Variants in BDNF observed in about 807,000 individuals in gnomAD.
BDNF encodes the protein neurotrophic factor BDNF precursor form.
In BDNF, 1 loss-of-function variant was observed where a neutral mutation model predicts 19.5. That is an observed-to-expected ratio of 0.05 (90% CI 0.02 to 0.24). The LOEUF is 0.24. Ranked by LOEUF, BDNF falls within the 10% of genes least tolerant of loss-of-function variation. The pLI, the probability that BDNF is intolerant of heterozygous loss-of-function variation, is 1.00. For synonymous variants in BDNF, 100 were observed against 121.6 expected (o/e 0.82, Z 1.17); for missense variants, 195 against 317.6 (o/e 0.61, Z 2.93).
chr11:27,699,393 C>G (rs1480364113), intron 1 of BDNF: 17 of 1,614,034 alleles, frequency 1.1e-5, no homozygotes, highest in Non-Finnish European at 1.4e-5. Context: ...CATTCCTCTT[C>G]CCGGCTCTGC....
intron 1 of BDNF, among the ~76,000 whole-genome samples, chr11:27,715,818 T>G (rs1860488004): frequency 6.6e-6 from 1 of 152,164 alleles, no homozygotes; most frequent in African/African-American, 2.4e-5. Flanking sequence ...GATTGGTGAT[T>G]CCTACCTTAC....
chr11:27,716,654 A>T (rs1232101792), intron 1 of BDNF, among the ~76,000 whole-genome samples: 1 of 152,226 alleles, frequency 6.6e-6, no homozygotes, highest in Non-Finnish European at 1.5e-5. Flanking sequence ...TTTCAGAATA[A>T]ATTTAGTTTT....
At chr11:27,667,682 T>G (rs1247422364) in intron 1 of BDNF, among the ~76,000 whole-genome samples, 1 of 152,180 alleles carries the variant, frequency 6.6e-6, no homozygotes, top group Admixed American at 6.5e-5. Flanking sequence ...GGCCATTACA[T>G]AATGATAAAG....
chr11:27,674,789 T>C, intron 1 of BDNF: 2 of 963,092 alleles, frequency 2.1e-6, no homozygotes, highest in Non-Finnish European at 2.5e-6. Context: ...CATCTAAGCA[T>C]AGGACAGGGA....
chr11:27,697,122 TAC>T (rs1194993550), intron 1 of BDNF, among the ~76,000 whole-genome samples: 1 of 145,870 alleles, frequency 6.9e-6, no homozygotes, highest in Non-Finnish European at 1.5e-5. Context: ...TCTCCCCCTC[TAC>T]ACACACGCGC....
In BDNF at chr11:27,657,564, T is replaced by G. The variant is rs1466189823; in HGVS notation, c.*257A>C. 3 of 1,250,322 alleles carry G rather than the reference T, an allele frequency of 2.4e-6. No homozygotes were observed. The highest frequency in any genetic ancestry group is 3.0e-6 in the Non-Finnish European group (3 of 995,668). 77.5% of individuals were successfully genotyped at this position (1,250,322 alleles called of 1,614,324 possible). A position where few individuals can be genotyped will look rare whatever the true frequency, so the allele number is the denominator to read the frequency against. On this transcript the variant is annotated 3_prime_UTR_variant, in exon 2 of 2. Transcript: ENST00000356660. The surrounding 1 kb of genome is among the most constrained non-coding windows in gnomAD (Gnocchi z 5.0). ...TTTAACTTTTTATGTTTTCAGTTCTTGGCAACGGCAACAAACCACAACATT... is the reference window on the plus strand; with the variant it reads ...TTTAACTTTTTATGTTTTCAGTTCTGGGCAACGGCAACAAACCACAACATT...
chr11:27,693,627 C>T (rs904560262), intron 1 of BDNF, among the ~76,000 whole-genome samples: 1 of 152,166 alleles, frequency 6.6e-6, no homozygotes, highest in African/African-American at 2.4e-5. Flanking sequence ...TGGCCTGGGA[C>T]TCCGCCAAGC....
chr11:27,673,331 G>C (rs1855653263), intron 1 of BDNF, among the ~76,000 whole-genome samples: 1 of 151,974 alleles, frequency 6.6e-6, no homozygotes, highest in Non-Finnish European at 1.5e-5. Flanking sequence ...CAGATCCAAG[G>C]ATAAAGGGAA....
intron 1 of BDNF, among the ~76,000 whole-genome samples, chr11:27,712,784 A>T (rs1224640646): frequency 2.8e-5 from 4 of 144,698 alleles, no homozygotes; most frequent in African/African-American, 1.0e-4. Flanking sequence ...CAAAGTGCTG[A>T]GATTACAGGT....
chr11:27,705,862 T>G (rs1235938114), intron 1 of BDNF, among the ~76,000 whole-genome samples: 1 of 152,242 alleles, frequency 6.6e-6, no homozygotes, highest in African/African-American at 2.4e-5. Flanking sequence ...AGGAGGCTAT[T>G]CTATGGGCTG....
chr11:27,710,535 G>A (rs1464067631), intron 1 of BDNF, among the ~76,000 whole-genome samples: 1 of 152,184 alleles, frequency 6.6e-6, no homozygotes, highest in Non-Finnish European at 1.5e-5. Context: ...TGGATCCTTT[G>A]GAGGAAGAGC....
At chr11:27,704,528 C>G, upstream of BDNF, among the ~76,000 whole-genome samples, 1 of 151,978 alleles carries the variant, frequency 6.6e-6, no homozygotes, top group East Asian at 1.9e-4. Flanking sequence ...TTACTCCTAC[C>G]TTCAGTATTC....
chr11:27,675,491 A>G (rs1855973773), intron 1 of BDNF: 1 of 152,128 alleles, frequency 6.6e-6, no homozygotes, highest in East Asian at 1.9e-4. Context: ...TGTCAACTCT[A>G]CTTGAGTAAG....
rs1029741174 is a variant in BDNF at position 27,719,441 on chromosome 11, G to C, written c.3+1971C>G. On this transcript the variant is annotated intron_variant, in intron 1 of 1. Transcript: ENST00000314915. ...CGCCCGGCCCGCTCTCTGGCTCTTC[G>C]GTCCGGAAAGGACCTTCTACTCCCA... 14 of 985,884 alleles carry C rather than the reference G, an allele frequency of 1.4e-5. No homozygotes were observed. In the African/African-American group the frequency reaches 2.4e-4, roughly 17 times the overall value. The allele number at this position is 985,884 out of a possible 1,614,324, so 61.1% of individuals were successfully genotyped here.
chr11:27,689,801 T>TCAACC (rs1390147834), intron 1 of BDNF, among the ~76,000 whole-genome samples: 2 of 152,188 alleles, frequency 1.3e-5, no homozygotes, highest in African/African-American at 4.8e-5. Flanking sequence ...GCTGCACCTA[T>TCAACC]CAACCCATCA....
intron 1 of BDNF, among the ~76,000 whole-genome samples, chr11:27,666,036 C>T (rs1023454117): frequency 6.6e-6 from 1 of 152,172 alleles, no homozygotes; most frequent in African/African-American, 2.4e-5. Context: ...CCGACTGACA[C>T]CTCATACGGC....
At chr11:27,715,081 A>T (rs1343498264) in intron 1 of BDNF, among the ~76,000 whole-genome samples, 2 of 152,212 alleles carry the variant, frequency 1.3e-5, no homozygotes, top group Non-Finnish European at 2.9e-5. Context: ...ATTGTAATAC[A>T]GTTCCTGGCA....
At chr11:27,674,720 C>T (rs1030662044) in intron 1 of BDNF, 1 of 984,946 alleles carries the variant, frequency 1.0e-6, no homozygotes, top group Non-Finnish European at 1.2e-6. Context: ...TATCTCCACC[C>T]GTTTTCACTA....
intron 1 of BDNF, chr11:27,721,283 C>T (rs952704845): frequency 2.6e-4 from 286 of 1,101,714 alleles, no homozygotes; most frequent in Non-Finnish European, 2.4e-4. Context: ...TGTGTAAAAA[C>T]CCGATTCCCC....
Sources: gnomAD v4.1 joint callset for allele counts (sites outside exome capture counted in the v4.1 genomes callset) on GRCh38, gnomAD v4.1.1 for gene constraint, Gnocchi (gnomAD v3.1) non-coding constraint, MANE v1.5 for transcripts, NCBI Gene and HGNC (gene_info 2026-07-23, HGNC 2026-07-21) for gene names.